TBL1X: variants seen among roughly 807,000 people sequenced by gnomAD.
TBL1X encodes transducin beta like 1 X-linked.
Under a neutral mutation model 50.7 loss-of-function variants are expected in TBL1X, and 10 were observed. The observed-to-expected ratio is 0.20, with a 90% confidence interval of 0.12 to 0.33. The LOEUF (loss-of-function observed/expected upper bound fraction) is 0.33. Among genes scored for constraint, TBL1X ranks in the 10% least tolerant of loss-of-function variants. TBL1X has a pLI of 1.00. For synonymous variants in TBL1X, 190 were observed against 214.7 expected (o/e 0.88, Z 1.01); for missense variants, 340 against 504.4 (o/e 0.67, Z 3.12).
intron 2 of TBL1X, among the ~76,000 whole-genome samples, chrX:9,555,589 A>G (rs1419288736): frequency 9.0e-6 from 1 of 111,134 alleles, no homozygotes; most frequent in Non-Finnish European, 1.9e-5. Context: ...TCATATGGCA[A>G]TGCTATGTTT....
At chrX:9,525,009 G>C (rs770769340) in intron 2 of TBL1X, among the ~76,000 whole-genome samples, 5 of 111,828 alleles carry the variant, frequency 4.5e-5, no homozygotes, top group Admixed American at 1.9e-4. Flanking sequence ...TCCTTGGAGG[G>C]AGTTGGCAAT....
intron 2 of TBL1X, among the ~76,000 whole-genome samples, chrX:9,578,178 G>A (rs911149260): frequency 4.5e-5 from 5 of 111,891 alleles, no homozygotes; most frequent in Non-Finnish European, 7.5e-5. Flanking sequence ...GTTAGAAAGC[G>A]TTTAGAAAGT....
intron 1 of TBL1X, among the ~76,000 whole-genome samples, chrX:9,475,350 C>T (rs1308748748): frequency 9.0e-6 from 1 of 111,341 alleles, no homozygotes; most frequent in Non-Finnish European, 1.9e-5. Context: ...TTAAGCAATT[C>T]TCCTGCCTCA....
chrX:9,581,518 A>G (rs886531600), intron 2 of TBL1X, among the ~76,000 whole-genome samples: 7 of 111,358 alleles, frequency 6.3e-5, no homozygotes, highest in African/African-American at 2.0e-4. Flanking sequence ...ATGTCTGGAG[A>G]CATTTTGGGT....
intron 2 of TBL1X, chrX:9,535,118 G>T (rs781281151): frequency 9.0e-6 from 1 of 110,985 alleles, no homozygotes; most frequent in East Asian, 2.8e-4. Flanking sequence ...TCACAGCTTG[G>T]GATCTGTGCA....
intron 2 of TBL1X, among the ~76,000 whole-genome samples, chrX:9,613,827 A>C (rs1601794698): frequency 1.8e-5 from 2 of 109,039 alleles, no homozygotes; most frequent in East Asian, 5.8e-4. Context: ...CTCTACTAAA[A>C]ATACAAAAAT....
chrX:9,595,532 C>T (rs1383627093), intron 2 of TBL1X, among the ~76,000 whole-genome samples: 3 of 111,900 alleles, frequency 2.7e-5, no homozygotes, highest in South Asian at 3.8e-4. Context: ...CCTCCTGAGT[C>T]GGCTTGCGTG....
intron 1 of TBL1X, among the ~76,000 whole-genome samples, chrX:9,469,737 G>A (rs769319137): frequency 8.9e-6 from 1 of 112,239 alleles, no homozygotes; most frequent in African/African-American, 3.2e-5. Context: ...GCCCAGAGAT[G>A]TTCATGGCTC....
At chrX:9,694,614 G>A (rs917638240) in intron 11 of TBL1X, among the ~76,000 whole-genome samples, 1 of 110,586 alleles carries the variant, frequency 9.0e-6, no homozygotes, top group Non-Finnish European at 1.9e-5. Context: ...AACAAAACAA[G>A]ACAAAACAAT....
chrX:9,588,400 T>A (rs1180974798), intron 2 of TBL1X, among the ~76,000 whole-genome samples: 1 of 111,529 alleles, frequency 9.0e-6, no homozygotes, highest in East Asian at 2.8e-4. Flanking sequence ...GCTAAGTGAA[T>A]AATATTTTAA....
intron 12 of TBL1X, among the ~76,000 whole-genome samples, chrX:9,699,713 G>A (rs1182637490): frequency 3.6e-5 from 4 of 111,655 alleles, no homozygotes; most frequent in East Asian, 2.8e-4. Flanking sequence ...AGGCACCCAC[G>A]TCTGTTATAT....
intron 2 of TBL1X, among the ~76,000 whole-genome samples, chrX:9,639,322 T>C (rs1231475905): frequency 1.8e-5 from 2 of 111,552 alleles, no homozygotes; most frequent in East Asian, 5.6e-4. Flanking sequence ...ATATTAAACC[T>C]GGTACCTTTT....
At chrX:9,667,427 G>A (rs2082937334) in intron 5 of TBL1X, among the ~76,000 whole-genome samples, 1 of 111,955 alleles carries the variant, frequency 8.9e-6, no homozygotes, top group African/African-American at 3.2e-5. Context: ...CTCAAATCTG[G>A]GCCCATGTGT....
chrX:9,573,140 C>T (rs2082394132), intron 2 of TBL1X, among the ~76,000 whole-genome samples: 1 of 112,897 alleles, frequency 8.9e-6, no homozygotes, highest in African/African-American at 3.2e-5. Context: ...GGTTTATGCA[C>T]TAGGGTGCAT....
chrX:9,703,192 G>C (rs2083185369), intron 12 of TBL1X, among the ~76,000 whole-genome samples: 1 of 109,174 alleles, frequency 9.2e-6, no homozygotes, highest in African/African-American at 3.3e-5. Flanking sequence ...AAGAGGGTGG[G>C]GTTGCTCAGA....
chrX:9,690,584 A>G, intron 7 of TBL1X, among the ~76,000 whole-genome samples: 1 of 112,003 alleles, frequency 8.9e-6, no homozygotes, highest in Middle Eastern at 4.6e-3. Context: ...GCCCCTGGAA[A>G]TTGGGGCTTC....
chrX:9,680,654 A>G (rs1601835001), intron 5 of TBL1X, among the ~76,000 whole-genome samples: 1 of 111,350 alleles, frequency 9.0e-6, no homozygotes, highest in African/African-American at 3.3e-5. Flanking sequence ...CTGAAAAACC[A>G]TTGCTCTAGA....
At chrX:9,566,675 T>C (rs2082352939) in intron 2 of TBL1X, among the ~76,000 whole-genome samples, 1 of 112,185 alleles carries the variant, frequency 8.9e-6, no homozygotes, top group Non-Finnish European at 1.9e-5. Flanking sequence ...TTCTCTGGAG[T>C]TGAAATGTTA....
At chrX:9,545,726 A>G (rs1052843044) in intron 2 of TBL1X, among the ~76,000 whole-genome samples, 2 of 110,955 alleles carry the variant, frequency 1.8e-5, no homozygotes, top group African/African-American at 6.6e-5. Context: ...CTACAAAACC[A>G]TAGTACTTAC....
Sources: allele counts gnomAD v4.1 joint callset (sites outside exome capture counted in the v4.1 genomes callset), GRCh38; gene constraint gnomAD v4.1.1; transcripts MANE v1.5; gene names NCBI Gene and HGNC (gene_info 2026-07-23, HGNC 2026-07-21).